The following SPAG16 variants were observed in gnomAD, a reference collection of about 807,000 sequenced individuals.
SPAG16 encodes the protein sperm associated antigen 16, also known as sperm-associated antigen 16 protein.
In SPAG16, 86 loss-of-function variants were observed where a neutral mutation model predicts 80.4. That is an observed-to-expected ratio of 1.07 (90% confidence interval 0.90 to 1.28). The LOEUF (loss-of-function observed/expected upper bound fraction) is 1.28. Ranked by LOEUF, SPAG16 falls within the 50% of genes most tolerant of loss-of-function variation. SPAG16 has a pLI of 0.00. For missense variants in SPAG16, 870 were observed against 765.3 expected, an observed-to-expected ratio of 1.14 and a Z score of -1.61; for synonymous variants, 294 against 265.9, an observed-to-expected ratio of 1.11 and a Z score of -1.03.
chr2:213,886,774 C>CA (rs967208145), intron 11 of SPAG16, among the ~76,000 whole-genome samples: 6 of 150,670 alleles, frequency 4.0e-5, no homozygotes, highest in African/African-American at 9.7e-5. Context: ...TTTTTCCAAC[C>CA]AAAAAAAATG....
intron 13 of SPAG16, among the ~76,000 whole-genome samples, chr2:214,040,806 A>T (rs1419935669): frequency 6.6e-6 from 1 of 152,104 alleles, no homozygotes; most frequent in African/African-American, 2.4e-5. Context: ...TTACTTTAAC[A>T]TCATTTTGAA....
At chr2:213,735,178 A>T (rs2067227982) in intron 10 of SPAG16, among the ~76,000 whole-genome samples, 1 of 152,176 alleles carries the variant, frequency 6.6e-6, no homozygotes, top group African/African-American at 2.4e-5. Context: ...AATAATGGTT[A>T]TCTTTTATAA....
At chr2:214,396,193 A>C (rs1416428915) in intron 15 of SPAG16, among the ~76,000 whole-genome samples, 1 of 151,964 alleles carries the variant, frequency 6.6e-6, no homozygotes, top group African/African-American at 2.4e-5. Context: ...TTTGGATAAT[A>C]GTCCTTTATG....
chr2:213,639,518 C>CA (rs935837254), intron 10 of SPAG16, among the ~76,000 whole-genome samples: 1 of 151,862 alleles, frequency 6.6e-6, no homozygotes, highest in Non-Finnish European at 1.5e-5. Context: ...GTTTTGCTGG[C>CA]AAAAAAATCT....
intron 15 of SPAG16, among the ~76,000 whole-genome samples, chr2:214,334,934 C>T (rs2126018519): frequency 6.6e-6 from 1 of 152,236 alleles, no homozygotes; most frequent in Admixed American, 6.5e-5. Flanking sequence ...TATTCTGGTA[C>T]CAAATCTTTT....
At chr2:214,196,253 C>T (rs968834391) in intron 15 of SPAG16, among the ~76,000 whole-genome samples, 8 of 151,974 alleles carry the variant, frequency 5.3e-5, no homozygotes, top group Non-Finnish European at 1.2e-4. Flanking sequence ...TTGAACTTCT[C>T]TACCGTTTTC....
chr2:213,942,758 T>G (rs914336967), intron 12 of SPAG16, among the ~76,000 whole-genome samples: 1 of 152,186 alleles, frequency 6.6e-6, no homozygotes, highest in Non-Finnish European at 1.5e-5. Flanking sequence ...TGGCCAATAT[T>G]AGAGTTCATG....
At chr2:214,228,680 T>G (rs1192582232) in intron 15 of SPAG16, among the ~76,000 whole-genome samples, 2 of 151,886 alleles carry the variant, frequency 1.3e-5, no homozygotes, top group Non-Finnish European at 2.9e-5. Context: ...CCATCAGTAT[T>G]TTGACCTCAA....
intron 15 of SPAG16, among the ~76,000 whole-genome samples, chr2:214,317,786 G>C (rs1695792927): frequency 6.6e-6 from 1 of 152,152 alleles, no homozygotes; most frequent in Non-Finnish European, 1.5e-5. Context: ...CCTTTTCTCA[G>C]AGTTGAGAAA....
At chr2:214,001,268 G>C (rs1358080021) in intron 12 of SPAG16, among the ~76,000 whole-genome samples, 2 of 152,072 alleles carry the variant, frequency 1.3e-5, no homozygotes, top group Admixed American at 6.6e-5. Flanking sequence ...TTTTTTGAAG[G>C]AAATATATGC....
intron 10 of SPAG16, among the ~76,000 whole-genome samples, chr2:213,663,899 A>G (rs966319833): frequency 6.6e-6 from 1 of 152,076 alleles, no homozygotes. Context: ...GGTGTGCATG[A>G]TGTATTAGTT....
chr2:213,879,064 AT>A (rs1470141894), intron 11 of SPAG16, among the ~76,000 whole-genome samples: 2 of 151,932 alleles, frequency 1.3e-5, no homozygotes, highest in African/African-American at 2.4e-5. Flanking sequence ...TTGTAGTATA[AT>A]TTGAGGTCAG....
intron 13 of SPAG16, among the ~76,000 whole-genome samples, chr2:214,070,596 A>G (rs2050741247): frequency 6.6e-6 from 1 of 152,086 alleles, no homozygotes; most frequent in African/African-American, 2.4e-5. Flanking sequence ...GAAAACTGGA[A>G]TATTTCCTCA....
intron 9 of SPAG16, among the ~76,000 whole-genome samples, chr2:213,483,804 G>A (rs533823247): frequency 6.6e-6 from 1 of 152,250 alleles, no homozygotes; most frequent in South Asian, 2.1e-4. Flanking sequence ...CTTAACTTTA[G>A]AAGCTAAATA....
chr2:213,660,669 C>G (rs1170047004), intron 10 of SPAG16, among the ~76,000 whole-genome samples: 1 of 152,144 alleles, frequency 6.6e-6, no homozygotes, highest in Non-Finnish European at 1.5e-5. Context: ...GGGGATAAAA[C>G]CCCTTGTGGC....
chr2:214,059,186 C>CTA (rs36006046), intron 13 of SPAG16, among the ~76,000 whole-genome samples: 29,206 of 113,010 alleles, frequency 0.26, 3,794 homozygotes, highest in East Asian at 0.4. Flanking sequence ...CTCTCTCTGT[C>CTA]TATATATATA....
At chr2:214,172,587 A>G (rs180738471) in intron 15 of SPAG16, among the ~76,000 whole-genome samples, 11 of 152,224 alleles carry the variant, frequency 7.2e-5, no homozygotes, top group African/African-American at 2.6e-4. Flanking sequence ...TTATAGCAGC[A>G]TGATTTATAG....
At chr2:214,154,291 T>C (rs758583048) in intron 15 of SPAG16, among the ~76,000 whole-genome samples, 14 of 152,152 alleles carry the variant, frequency 9.2e-5, no homozygotes, top group Non-Finnish European at 1.9e-4. Context: ...TCCAGGAAAT[T>C]TGCAAAGAAG....
chr2:213,821,566 A>G (rs1408251636), intron 10 of SPAG16, among the ~76,000 whole-genome samples: 2 of 152,192 alleles, frequency 1.3e-5, no homozygotes, highest in African/African-American at 4.8e-5. Flanking sequence ...CAATTTATGT[A>G]TACTATTTTA....
Sources: allele counts gnomAD v4.1 joint callset (sites outside exome capture counted in the v4.1 genomes callset), GRCh38; gene constraint gnomAD v4.1.1; transcripts MANE v1.5; gene names NCBI Gene and HGNC (gene_info 2026-07-23, HGNC 2026-07-21).